Variants in SCLT1 observed in about 807,000 individuals in gnomAD.
The protein encoded by SCLT1 is sodium channel-associated protein 1.
In SCLT1, 78 loss-of-function variants were observed where a neutral mutation model predicts 112.8. That is an observed-to-expected ratio of 0.69 (90% CI 0.58 to 0.83). The LOEUF (loss-of-function observed/expected upper bound fraction) is 0.83. SCLT1 is among the 40% of genes least tolerant of loss of function. SCLT1 has a pLI of 0.00. For missense variants in SCLT1, 747 were observed against 770.4 expected (o/e 0.97, Z 0.36); for synonymous variants, 257 against 254.7 (o/e 1.01, Z -0.09).
In SCLT1 at chr4:129,068,988, A is replaced by G. The variant is rs549977013; in HGVS notation, c.102+13318T>C. Among the ~76,000 whole-genome samples the G allele has an allele frequency of 2.0e-5, 3 of 152,280 alleles. No individual in the cohort carries two copies. The East Asian group carries it at 5.8e-4, about 29-fold the overall frequency. ...TGAGGATCTAGTTTCATTCTCCTACATGTGGCTAGCCAATTATCCCTGCAC... is the reference window on the plus strand; with the variant it reads ...TGAGGATCTAGTTTCATTCTCCTACGTGTGGCTAGCCAATTATCCCTGCAC... On this transcript the variant is annotated intron_variant, in intron 2 of 20. Coordinates refer to ENST00000281142, the MANE Select transcript of SCLT1 (RefSeq NM_144643.4).
intron 1 of SCLT1, among the ~76,000 whole-genome samples, chr4:129,083,629 C>T (rs1026772785): frequency 8.6e-5 from 13 of 151,730 alleles, no homozygotes; most frequent in Admixed American, 2.6e-4. Context: ...GATTGCACTA[C>T]GCTCCAGCCT....
chr4:128,981,615 C>T (rs1238144364), intron 9 of SCLT1, among the ~76,000 whole-genome samples: 5 of 151,876 alleles, frequency 3.3e-5, no homozygotes, highest in East Asian at 3.9e-4. Context: ...ATTTCATCCT[C>T]GAGCCAACCA....
chr4:129,001,502 C>T (rs534638408), intron 6 of SCLT1, among the ~76,000 whole-genome samples: 8 of 151,892 alleles, frequency 5.3e-5, no homozygotes, highest in African/African-American at 1.7e-4. Flanking sequence ...TGTTTCATTA[C>T]GATAAATATT....
chr4:129,031,300 T>A lies in SCLT1; in HGVS notation c.290+7741A>T, dbSNP rs1288884802. ...AAACTCTCAATAAACTAGGTATTAA[T>A]GGAGCATTTCTCAAATTAGTAAGAG... On this transcript the variant is annotated intron_variant, in intron 5 of 20. Coordinates refer to ENST00000281142, the MANE Select transcript of SCLT1 (RefSeq NM_144643.4). 2.6e-5 allele frequency among the ~76,000 whole-genome samples: 4 copies of A among 152,128 alleles called. No individual in the cohort carries two copies. The East Asian group carries it at 7.7e-4, about 29-fold the overall frequency.
intron 5 of SCLT1, among the ~76,000 whole-genome samples, chr4:129,026,186 T>G (rs1386318746): frequency 6.6e-6 from 1 of 152,118 alleles, no homozygotes; most frequent in Non-Finnish European, 1.5e-5. Flanking sequence ...AACTCAGCTC[T>G]GCACCAAGCA....
chr4:128,875,724 T>C (rs1373663764), intron 4 of SCLT1, among the ~76,000 whole-genome samples: 4 of 152,162 alleles, frequency 2.6e-5, no homozygotes, highest in Admixed American at 1.3e-4. Flanking sequence ...TAGGCTATTA[T>C]TTTTATTAGG....
intron 3 of SCLT1, among the ~76,000 whole-genome samples, chr4:128,877,368 T>A (rs1416508731): frequency 6.6e-6 from 1 of 152,132 alleles, no homozygotes; most frequent in Non-Finnish European, 1.5e-5. Flanking sequence ...TAGGCTGTAC[T>A]GCCTCTCAGA....
At chr4:128,937,798 A>G (rs898004379) in intron 17 of SCLT1, among the ~76,000 whole-genome samples, 2 of 152,220 alleles carry the variant, frequency 1.3e-5, no homozygotes, top group African/African-American at 2.4e-5. Flanking sequence ...GCATGAACTT[A>G]TAAGTAAATG....
intron 18 of SCLT1, among the ~76,000 whole-genome samples, chr4:128,898,635 C>T (rs1171192899): frequency 6.6e-6 from 1 of 152,130 alleles, no homozygotes; most frequent in Non-Finnish European, 1.5e-5. Flanking sequence ...AGAGCAAACA[C>T]ATTCAAAAGC....
intron 18 of SCLT1, among the ~76,000 whole-genome samples, chr4:128,896,687 G>A (rs1247084371): frequency 1.3e-5 from 2 of 152,172 alleles, no homozygotes; most frequent in Non-Finnish European, 2.9e-5. Flanking sequence ...TGACTTTGAC[G>A]AGTTGAGAGA....
chr4:129,081,107 C>T (rs949185331), intron 2 of SCLT1, among the ~76,000 whole-genome samples: 3 of 152,140 alleles, frequency 2.0e-5, no homozygotes, highest in Non-Finnish European at 4.4e-5. Context: ...CCACTCCTAC[C>T]CATTTCAGTC....
intron 15 of SCLT1, 150 bp from the exon 16 acceptor site, chr4:128,946,302 A>C (rs1244624836): frequency 2.2e-6 from 1 of 446,858 alleles, no homozygotes; most frequent in Non-Finnish European, 3.9e-6. Flanking sequence ...CAATAATTAA[A>C]TCTGGTTCTG....
intron 5 of SCLT1, among the ~76,000 whole-genome samples, chr4:129,021,344 G>A (rs1302364024): frequency 1.3e-5 from 2 of 152,150 alleles, no homozygotes; most frequent in South Asian, 2.1e-4. Context: ...AGACAGAACC[G>A]TTTGCTCCCC....
intron 9 of SCLT1, among the ~76,000 whole-genome samples, chr4:128,975,679 C>G (rs537400235): frequency 6.6e-6 from 1 of 152,000 alleles, no homozygotes; most frequent in East Asian, 1.9e-4. Context: ...AAAATGCACA[C>G]GTTAGGTAAT....
chr4:129,081,704 C>A (rs1751953987), intron 2 of SCLT1, among the ~76,000 whole-genome samples: 1 of 152,180 alleles, frequency 6.6e-6, no homozygotes, highest in Admixed American at 6.5e-5. Context: ...GATTACAATT[C>A]CACATGAGAT....
intron 15 of SCLT1, among the ~76,000 whole-genome samples, 161 bp downstream of exon 15, chr4:128,948,335 C>CAAAAAAAAAAAA (rs11312069): frequency 8.3e-5 from 4 of 47,962 alleles, no homozygotes; most frequent in South Asian, 1.0e-3. Flanking sequence ...GACTCCATTG[C>CAAAAAAAAAAAA]AAAAAAAAAA....
chr4:128,953,790 C>T (rs1738978046), intron 13 of SCLT1, among the ~76,000 whole-genome samples: 1 of 144,888 alleles, frequency 6.9e-6, no homozygotes, highest in Non-Finnish European at 1.5e-5. Context: ...CAGAGTGAGA[C>T]TCCATCTCAA....
chr4:129,034,023 G>A (rs1251143192), intron 5 of SCLT1, among the ~76,000 whole-genome samples: 1 of 152,078 alleles, frequency 6.6e-6, no homozygotes, highest in Admixed American at 6.6e-5. Context: ...CCAGCAGAGT[G>A]GTGTTGACCA....
chr4:128,888,615 G>T, intron 20 of SCLT1, 64 bp downstream of exon 20: 1 of 857,988 alleles, frequency 1.2e-6, no homozygotes, highest in Non-Finnish European at 1.9e-6. Context: ...TAAGTTCCCT[G>T]GGAACTTCTA....
Sources: gnomAD v4.1 joint callset for allele counts (sites outside exome capture counted in the v4.1 genomes callset) on GRCh38, gnomAD v4.1.1 for gene constraint, MANE v1.5 for transcripts, NCBI Gene and HGNC (gene_info 2026-07-23, HGNC 2026-07-21) for gene names.